SMPD4: variants seen among roughly 807,000 people sequenced by gnomAD.
SMPD4 encodes sphingomyelin phosphodiesterase 4, also known as neutral sphingomyelinase 3.
SMPD4 carries 58 observed loss-of-function variants against 97.8 expected under a neutral mutation model. That is an observed-to-expected ratio of 0.59 (90% CI 0.48 to 0.74). The LOEUF is 0.74. Ranked by LOEUF, SMPD4 falls within the 30% of genes least tolerant of loss-of-function variation. The probability of loss-of-function intolerance (pLI) is 0.00; values close to 1 mark genes in which losing one functional copy is unlikely to be tolerated. For synonymous variants in SMPD4, 388 were observed against 450.0 expected (o/e 0.86, Z 1.74); for missense variants, 853 against 1,080.5 (o/e 0.79, Z 2.95).
intron 1 of SMPD4, among the ~76,000 whole-genome samples, chr2:130,178,591 T>G (rs1689187399): frequency 6.6e-6 from 1 of 151,988 alleles, no homozygotes; most frequent in Non-Finnish European, 1.5e-5. Flanking sequence ...GGCCAGGAGT[T>G]TGAGACCAGT....
In SMPD4 at chr2:130,154,416, G is replaced by C. The variant is rs535111669; in HGVS notation, c.1520C>G (p.Pro507Arg). 5.0e-6 allele frequency: 8 copies of C among 1,593,194 alleles called. No homozygotes were observed. In the South Asian group the frequency reaches 9.1e-5, roughly 18 times the overall value. Residue 507 changes from proline (P) to arginine (R), a missense_variant, in exon 16 of 20, where the codon CCC (proline) becomes CGC (arginine). Transcript: ENST00000680298. The stretch of plus-strand genomic sequence containing the variant: ...TGACAGGAAGCTCCCAGTGAATGTG[G>C]GGGCCGTGAAGAGTCGGTGCTGGCG... ...PHRQHRLFTA[P>R]TFTGSFLSPW...
chr2:130,179,944 T>TGC, intron 1 of SMPD4, among the ~76,000 whole-genome samples: 1 of 147,370 alleles, frequency 6.8e-6, no homozygotes, highest in South Asian at 2.2e-4. Context: ...TGAGTCACCA[T>TGC]GCCCGGCCGC....
chr2:130,155,110 TCAGC>T lies in SMPD4; in HGVS notation c.1435_1438del (p.Ala479ArgfsTer2). ...TGAGGACTTACCTTTCTGAATCATC[TCAGC>T]CAGGTTGGGCTGGGCAAAGACTTTG... On this transcript the variant is annotated frameshift_variant, in exon 15 of 20. Coordinates refer to ENST00000680298, the MANE Select transcript of SMPD4 (RefSeq NM_017951.5). LOFTEE classifies it high-confidence loss of function. 1 of 1,614,164 alleles carries T rather than the reference TCAGC, an allele frequency of 6.2e-7. No individual in the cohort carries two copies. The highest frequency in any genetic ancestry group is 8.5e-7 in the Non-Finnish European group (1 of 1,180,022).
At chr2:130,160,413 C>T (rs1687274181) in intron 11 of SMPD4, among the ~76,000 whole-genome samples, 1 of 152,240 alleles carries the variant, frequency 6.6e-6, no homozygotes. Flanking sequence ...GTGAGCACAG[C>T]CCGTCTCCCC....
In SMPD4 at chr2:130,174,931, C is replaced by T. The variant is rs752480351; in HGVS notation, c.109G>A (p.Glu37Lys). 3 of 1,606,602 alleles carry T rather than the reference C, an allele frequency of 1.9e-6. No homozygotes were observed. The highest frequency in any genetic ancestry group is 2.6e-6 in the Non-Finnish European group (3 of 1,173,550). Reference sequence around the variant, plus strand: ...AGCTATACCTTTGCTGGAAAGTCCTCAATGACTTTAACCAAGTCTTGGCAC... The same window carrying T: ...AGCTATACCTTTGCTGGAAAGTCCTTAATGACTTTAACCAAGTCTTGGCAC... ...QQCQDLVKVI[E>K]DFPAKELHTI... The change falls in exon 3 of 20, where the codon GAG becomes AAG. Residue 37 changes from glutamate (E) to lysine (K), a missense_variant. This residue lies in a region of SMPD4 where 313 missense variants were observed against 402.2 expected (regional missense o/e 0.78). Coordinates refer to ENST00000680298, the MANE Select transcript of SMPD4 (RefSeq NM_017951.5).
At chr2:130,172,726 C>G (rs182453489) in intron 6 of SMPD4, 49 bp from the exon 7 acceptor site, 4 of 1,614,010 alleles carry the variant, frequency 2.5e-6, no homozygotes, top group Non-Finnish European at 2.5e-6. Context: ...AGCCACCCCC[C>G]GCTCAGTGTC....
At chr2:130,181,679 C>A (rs1689658135), upstream of SMPD4, 3 of 1,548,430 alleles carry the variant, frequency 1.9e-6, no homozygotes, top group East Asian at 7.3e-5. Context: ...CCTCAAAAGG[C>A]GCGTGCGCAA....
chr2:130,172,526 A>T, intron 7 of SMPD4, 26 bp from the exon 8 acceptor site: 1 of 1,612,546 alleles, frequency 6.2e-7, no homozygotes, highest in Non-Finnish European at 8.5e-7. Context: ...AGTTGTTAGC[A>T]TGGGCTCTGG....
chr2:130,154,360 A>AG lies in SMPD4; in HGVS notation c.1575dup (p.Phe526LeufsTer66), dbSNP rs1224770804. ...CTGTAGACGTGGCTCTTCACCTTGA[A>AG]GGAGGCATCAGTGACCGCTGGTGGC... On this transcript the variant is annotated frameshift_variant, in exon 16 of 20. Coordinates refer to ENST00000680298, the MANE Select transcript of SMPD4 (RefSeq NM_017951.5). LOFTEE classifies it high-confidence loss of function. 1 of 1,612,140 alleles carries AG rather than the reference A, an allele frequency of 6.2e-7. No individual in the cohort carries two copies. The highest frequency in any genetic ancestry group is 8.5e-7 in the Non-Finnish European group (1 of 1,179,346).
chr2:130,153,413 A>G lies in SMPD4; in HGVS notation c.1931T>C (p.Leu644Ser). Residue 644 changes from leucine (L) to serine (S), a missense_variant, in exon 18 of 20, where the codon TTG becomes TCG. Physicochemically the swap from Leu to Ser is moderately radical, Grantham distance 145 (BLOSUM62 -2). Around this residue, in one of 3 missense-constraint regions of SMPD4, gnomAD observed 511 missense variants for 608.1 expected, o/e 0.84. Coordinates refer to ENST00000680298, the MANE Select transcript of SMPD4 (RefSeq NM_017951.5). ...TCCATTCTCATCCTGGGTGGTGCCCAAGGCGAGTGTGAACTGCCTGAGCTG... is the reference window on the plus strand; with the variant it reads ...TCCATTCTCATCCTGGGTGGTGCCCGAGGCGAGTGTGAACTGCCTGAGCTG... ...EAQLRQFTLA[L>S]GTTQDENGKK... 6.2e-7 allele frequency: 1 copy of G among 1,613,906 alleles called. No homozygotes were observed.
At chr2:130,157,436 T>C (rs1330345441) in intron 11 of SMPD4, 40 bp from the exon 12 acceptor site, 6 of 1,610,284 alleles carry the variant, frequency 3.7e-6, no homozygotes, top group African/African-American at 2.7e-5. Flanking sequence ...GGAAGGAGCG[T>C]GGCACCCATA....
chr2:130,167,615 C>T lies in SMPD4; in HGVS notation c.660-25G>A, dbSNP rs373427659. The T allele has an allele frequency of 4.4e-5, 69 of 1,574,458 alleles. 1 individual carries two copies. In the African/African-American group the frequency reaches 5.7e-4, roughly 13 times the overall value. ...CCTGAGGGAGACACAGAAACAGGCC[C>T]GAGTTACAGGCTCCCGCTGTAACTC... On this transcript the variant is annotated intron_variant, in intron 8 of 19. Coordinates refer to ENST00000680298, the MANE Select transcript of SMPD4 (RefSeq NM_017951.5).
chr2:130,165,105 A>AT (rs1407009277), intron 9 of SMPD4, among the ~76,000 whole-genome samples: 29 of 107,384 alleles, frequency 2.7e-4, no homozygotes, highest in African/African-American at 4.0e-4. Flanking sequence ...ACAGACTCTG[A>AT]TTTAAAAAAA....
rs762954250 is a variant in SMPD4 at position 130,153,450 on chromosome 2, G to A, written c.1894C>T (p.Leu632Phe). The A allele has an allele frequency of 3.1e-6, 5 of 1,613,746 alleles. No individual in the cohort carries two copies. Among genetic ancestry groups the A allele is most frequent in the Admixed American group, 1.7e-5 (1 of 60,022 alleles). The change falls in exon 18 of 20, where the codon CTC (leucine) becomes TTC (phenylalanine). Residue 632 changes from leucine (L) to phenylalanine (F), a missense_variant and splice_region_variant. Around this residue, in one of 3 missense-constraint regions of SMPD4, gnomAD observed 511 missense variants for 608.1 expected, o/e 0.84. Coordinates refer to ENST00000680298, the MANE Select transcript of SMPD4 (RefSeq NM_017951.5). The part of the protein sequence containing the change: ...ALEYLRQIFR[L>F]SEAQLRQFTL... ...AACTGCCTGAGCTGCGCTTCGCTGA[G>A]CTGCCAGAGAGAAATGCCACTGCCC...
intron 13 of SMPD4, chr2:130,156,346 C>T (rs1457501087): frequency 1.5e-6 from 1 of 656,826 alleles, no homozygotes; most frequent in Non-Finnish European, 2.7e-6. Flanking sequence ...GGGCAGAGTA[C>T]TCCCTGGTCA....
chr2:130,152,421 G>A lies in SMPD4; in HGVS notation c.*134C>T, dbSNP rs572147403. ...TTGCGTTTCCTCCAGATGCCTCTGCGGCTGCAGGAACCCCGCTCCAGAAGC... is the reference window on the plus strand; with the variant it reads ...TTGCGTTTCCTCCAGATGCCTCTGCAGCTGCAGGAACCCCGCTCCAGAAGC... On this transcript the variant is annotated 3_prime_UTR_variant, in exon 20 of 20. Coordinates refer to ENST00000680298, the MANE Select transcript of SMPD4 (RefSeq NM_017951.5). 3.7e-5 allele frequency: 39 copies of A among 1,043,794 alleles called. 1 individual carries two copies. In the East Asian group the frequency reaches 7.1e-4, roughly 19 times the overall value. 64.7% of individuals were successfully genotyped at this position (1,043,794 alleles called of 1,614,324 possible). A position where few individuals can be genotyped will look rare whatever the true frequency, so the allele number is the denominator to read the frequency against.
intron 14 of SMPD4, 47 bp from the exon 15 acceptor site, chr2:130,155,306 A>G (rs376296475): frequency 1.2e-6 from 2 of 1,608,212 alleles, no homozygotes; most frequent in Non-Finnish European, 1.7e-6. Flanking sequence ...AACTGGAAGC[A>G]TGCCCCTAAT....
chr2:130,153,644 G>A (rs1471487796), intron 17 of SMPD4, 58 bp downstream of exon 17: 121 of 1,580,470 alleles, frequency 7.7e-5, no homozygotes, highest in Non-Finnish European at 1.0e-4. Flanking sequence ...GCTGGGTGGA[G>A]TGGATCCTTC....
Position 130,174,923 on chromosome 2 carries a change from A to G in SMPD4, c.117T>C (p.Phe39=), listed in dbSNP as rs777201839. The G allele has an allele frequency of 9.8e-5, 158 of 1,604,756 alleles. No individual in the cohort carries two copies. The highest frequency in any genetic ancestry group is 1.7e-5 in the Admixed American group (1 of 59,916). Residue 39 remains phenylalanine (F), a synonymous_variant, in exon 3 of 20, where the codon TTT becomes TTC. Coordinates refer to ENST00000680298, the MANE Select transcript of SMPD4 (RefSeq NM_017951.5). ...CQDLVKVIED[F]PAKELHTIFP... Reference sequence around the variant, plus strand: ...GTTAGCAGAGCTATACCTTTGCTGGAAAGTCCTCAATGACTTTAACCAAGT... The same window carrying G: ...GTTAGCAGAGCTATACCTTTGCTGGGAAGTCCTCAATGACTTTAACCAAGT...
Sources: allele counts gnomAD v4.1 joint callset (sites outside exome capture counted in the v4.1 genomes callset), GRCh38; gene constraint gnomAD v4.1.1; regional missense constraint gnomAD v4.1.1; transcripts MANE v1.5; gene names NCBI Gene and HGNC (gene_info 2026-07-23, HGNC 2026-07-21).